The following ACSBG1 variants were observed in gnomAD, a reference collection of about 807,000 sequenced individuals.
The protein encoded by ACSBG1 is acyl-CoA synthetase bubblegum family member 1, also known as long-chain-fatty-acid--CoA ligase ACSBG1.
ACSBG1 carries 39 observed loss-of-function variants against 80.2 expected under a neutral mutation model. That is an observed-to-expected ratio of 0.49 (90% CI 0.38 to 0.64). The LOEUF (loss-of-function observed/expected upper bound fraction) is 0.64, where lower values mean the gene tolerates loss of function less well. Ranked by LOEUF, ACSBG1 falls within the 30% of genes least tolerant of loss-of-function variation. The pLI, the probability that ACSBG1 is intolerant of heterozygous loss-of-function variation, is 0.00. For synonymous variants in ACSBG1, 392 were observed against 379.5 expected, an observed-to-expected ratio of 1.03 and a Z score of -0.38; for missense variants, 828 against 966.4, an observed-to-expected ratio of 0.86 and a Z score of 1.90.
intron 12 of ACSBG1, 47 bp from the exon 13 acceptor site, chr15:78,173,886 C>T (rs760583871): frequency 3.0e-5 from 47 of 1,588,514 alleles, no homozygotes; most frequent in African/African-American, 6.7e-5. Context: ...CCCAACAAGA[C>T]GTAAGCCCTG....
At chr15:78,201,619 T>C (rs1035496424) in intron 2 of ACSBG1, among the ~76,000 whole-genome samples, 22 of 152,224 alleles carry the variant, frequency 1.4e-4, no homozygotes, top group African/African-American at 5.3e-4. Context: ...ATGCATCTTC[T>C]AGCCTGGGGT....
At chr15:78,216,353 G>T (rs546698836) in intron 1 of ACSBG1, among the ~76,000 whole-genome samples, 1 of 152,152 alleles carries the variant, frequency 6.6e-6, no homozygotes, top group African/African-American at 2.4e-5. Flanking sequence ...GCTTGGGGAG[G>T]GGGTATAATG....
In ACSBG1 at chr15:78,209,145, C is replaced by T. The variant is rs1161810994; in HGVS notation, c.132-1043G>A. The T allele has an allele frequency of 8.8e-6, 4 of 456,072 alleles. No individual in the cohort carries two copies. In the Admixed American group the frequency reaches 9.4e-5, roughly 11 times the overall value. The allele number at this position is 456,072 out of a possible 1,614,324, so 28.3% of individuals were successfully genotyped here. A position where few individuals can be genotyped will look rare whatever the true frequency, so the allele number is the denominator to read the frequency against. ...GTTCCCAGGAAGCCGGGCCAATTAC[C>T]TGCTTCTCACATTCAGCCTCACTCC... is the stretch of plus-strand genomic sequence containing the variant. On this transcript the variant is annotated intron_variant, in intron 1 of 13. Transcript: ENST00000258873.
chr15:78,185,615 T>C (rs1302119878), intron 5 of ACSBG1, among the ~76,000 whole-genome samples: 5 of 152,172 alleles, frequency 3.3e-5, no homozygotes, highest in Non-Finnish European at 7.3e-5. Context: ...CAAATATAAA[T>C]TGGTGGATTA....
chr15:78,180,620 G>A, intron 9 of ACSBG1, 135 bp downstream of exon 9: 1 of 1,099,788 alleles, frequency 9.1e-7, no homozygotes, highest in Non-Finnish European at 1.3e-6. Flanking sequence ...CATTGATGGG[G>A]CCTCTGCACG....
chr15:78,179,846 C>G, intron 9 of ACSBG1, 66 bp from the exon 10 acceptor site: 1 of 1,096,634 alleles, frequency 9.1e-7, no homozygotes, highest in Admixed American at 3.1e-5. Context: ...CACACACATA[C>G]ACACATTAAA....
chr15:78,219,469 G>A (rs1036530589), intron 1 of ACSBG1, among the ~76,000 whole-genome samples: 3 of 150,860 alleles, frequency 2.0e-5, no homozygotes, highest in Non-Finnish European at 4.4e-5. Flanking sequence ...AATCCAAAGG[G>A]TAGAGAGAGA....
chr15:78,174,000 G>A (rs1480757809), intron 12 of ACSBG1, among the ~76,000 whole-genome samples, 161 bp from the exon 13 acceptor site: 3 of 152,160 alleles, frequency 2.0e-5, no homozygotes, highest in Admixed American at 6.5e-5. Context: ...GTTGAGCCTC[G>A]TGTTATTGTG....
chr15:78,221,306 A>T (rs576831240), intron 1 of ACSBG1, among the ~76,000 whole-genome samples: 1 of 152,308 alleles, frequency 6.6e-6, no homozygotes, highest in Admixed American at 6.5e-5. Context: ...GGAGAAGATC[A>T]GCAAGGAAAC....
intron 5 of ACSBG1, among the ~76,000 whole-genome samples, chr15:78,191,710 T>C (rs1438790530): frequency 2.0e-5 from 3 of 152,114 alleles, no homozygotes; most frequent in Non-Finnish European, 4.4e-5. Context: ...AATTTCACAG[T>C]GGAAGAAGAG....
At chr15:78,188,472 C>G (rs561213940) in intron 5 of ACSBG1, among the ~76,000 whole-genome samples, 2,101 of 150,352 alleles carry the variant, frequency 0.014, 23 homozygotes, top group African/African-American at 0.047. Flanking sequence ...GGTACCAAAA[C>G]AGAGATATAG....
rs2074803251 is a variant in ACSBG1 at position 78,170,225 on chromosome 15, A to C, written c.*1219T>G. Reference sequence around the variant, plus strand: ...TCCTCTGCTGCAGCATGATTTTCTTAATCTTCAGACACTCACTATTTTCAT... The same window carrying C: ...TCCTCTGCTGCAGCATGATTTTCTTCATCTTCAGACACTCACTATTTTCAT... On this transcript the variant is annotated 3_prime_UTR_variant, in exon 14 of 14. Coordinates refer to ENST00000258873, the MANE Select transcript of ACSBG1 (RefSeq NM_015162.5). The C allele has an allele frequency of 6.6e-6, 1 of 151,940 alleles. No individual in the cohort carries two copies. Among genetic ancestry groups the C allele is most frequent in the South Asian group, 2.1e-4 (1 of 4,810 alleles). 9.4% of individuals were successfully genotyped at this position (151,940 alleles called of 1,614,324 possible). A position where few individuals can be genotyped will look rare whatever the true frequency, so the allele number is the denominator to read the frequency against.
Position 78,182,538 on chromosome 15 carries a change from G to T in ACSBG1, c.822C>A (p.Asn274Lys), listed in dbSNP as rs781112865. 6.2e-7 allele frequency: 1 copy of T among 1,614,150 alleles called. No individual in the cohort carries two copies. The highest frequency in any genetic ancestry group is 1.7e-5 in the Admixed American group (1 of 60,018). Residue 274 changes from asparagine (N) to lysine (K), a missense_variant, in exon 7 of 14, where the codon AAC (asparagine) becomes AAA (lysine). Around this residue, in one of 3 missense-constraint regions of ACSBG1, gnomAD observed 356 missense variants for 363.5 expected, o/e 0.98. Coordinates refer to ENST00000258873, the MANE Select transcript of ACSBG1 (RefSeq NM_015162.5). ...LDAIIDTQQP[N>K]QCCVLVYTSG... ...AAGTGTAGACTAGCACACAGCACTGGTTGGGCTGCTGGGTGTCAATGATGG... is the reference window on the plus strand; with the variant it reads ...AAGTGTAGACTAGCACACAGCACTGTTTGGGCTGCTGGGTGTCAATGATGG...
chr15:78,169,006 C>T lies in ACSBG1; in HGVS notation c.*2438G>A, dbSNP rs748785130. ...TCGCCGAGTAAAAGATTTAGATTAA[C>T]ACTTCTACAACTGGCATTTACATCA... On this transcript the variant is annotated 3_prime_UTR_variant, in exon 14 of 14. Transcript: ENST00000258873. The T allele has an allele frequency of 1.3e-6, 2 of 1,584,244 alleles. No individual in the cohort carries two copies. The highest frequency in any genetic ancestry group is 2.2e-5 in the East Asian group (1 of 44,478).
chr15:78,226,609 C>CA (rs768341572), intron 1 of ACSBG1: 6,180 of 81,046 alleles, frequency 0.076, 16 homozygotes, highest in South Asian at 0.16. Context: ...TCCATCTCTA[C>CA]AAAAAAAAAA....
At chr15:78,187,580 A>G (rs1303382417) in intron 5 of ACSBG1, among the ~76,000 whole-genome samples, 3 of 152,322 alleles carry the variant, frequency 2.0e-5, no homozygotes, top group South Asian at 4.1e-4. Context: ...AAACCACATG[A>G]TTATCTCAAT....
In ACSBG1 at chr15:78,170,762, T is replaced by A. The variant is rs1790387270; in HGVS notation, c.*682A>T. The A allele has an allele frequency of 6.5e-6, 1 of 152,698 alleles. No individual in the cohort carries two copies. Among genetic ancestry groups the A allele is most frequent in the African/African-American group, 2.4e-5 (1 of 41,464 alleles). 9.5% of individuals were successfully genotyped at this position (152,698 alleles called of 1,614,324 possible). On this transcript the variant is annotated 3_prime_UTR_variant, in exon 14 of 14. Coordinates refer to ENST00000258873, the MANE Select transcript of ACSBG1 (RefSeq NM_015162.5). ...CACTAATGGTCACTCGCATGCCCGC[T>A]GTGCACAGTCCTGTGAGTTAAATGC...
chr15:78,173,745 A>G lies in ACSBG1; in HGVS notation c.1937T>C (p.Val646Ala), dbSNP rs1234293617. 3 of 1,614,050 alleles carry G rather than the reference A, an allele frequency of 1.9e-6. No individual in the cohort carries two copies. Among genetic ancestry groups the G allele is most frequent in the African/African-American group, 2.7e-5 (2 of 74,910 alleles). ...ATCCTTCTTCTCTATGATCTCGGACACTGTGGTGGCTCTGCTGCCCACCCT... is the reference window on the plus strand; with the variant it reads ...ATCCTTCTTCTCTATGATCTCGGACGCTGTGGTGGCTCTGCTGCCCACCCT... ...CQRVGSRATT[V>A]SEIIEKKDEA... is the part of the protein sequence containing the mutation. Residue 646 changes from valine to alanine, a missense_variant, in exon 13 of 14, where the codon GTG becomes GCG. Transcript: ENST00000258873.
In ACSBG1 at chr15:78,182,583, C is replaced by T. The variant is rs749976877; in HGVS notation, c.777G>A (p.Val259=). 6 of 1,614,140 alleles carry T rather than the reference C, an allele frequency of 3.7e-6. No individual in the cohort carries two copies. The highest frequency in any genetic ancestry group is 5.1e-6 in the Non-Finnish European group (6 of 1,179,998). ...MEEFMELGNE[V]PEEALDAIID... ...TGATGGCGTCCAGGGCTTCCTCAGGCACTTCATTCCCCAGCTCCATGAATT... is the reference window on the plus strand; with the variant it reads ...TGATGGCGTCCAGGGCTTCCTCAGGTACTTCATTCCCCAGCTCCATGAATT... The change falls in exon 7 of 14, where the codon GTG becomes GTA. Residue 259 remains valine, a synonymous_variant. Transcript: ENST00000258873.
Sources: allele counts gnomAD v4.1 joint callset (sites outside exome capture counted in the v4.1 genomes callset), GRCh38; gene constraint gnomAD v4.1.1; regional missense constraint gnomAD v4.1.1; transcripts MANE v1.5; gene names NCBI Gene and HGNC (gene_info 2026-07-23, HGNC 2026-07-21).